Variants in INF2 observed in about 807,000 individuals in gnomAD.
INF2 encodes inverted formin-2.
INF2 carries 43 observed loss-of-function variants against 123.5 expected under a neutral mutation model. That is an observed-to-expected ratio of 0.35 (90% confidence interval 0.27 to 0.45). The LOEUF (loss-of-function observed/expected upper bound fraction) is 0.45. Among genes scored for constraint, INF2 ranks in the 20% least tolerant of loss-of-function variants. The pLI is 1.00. For missense variants in INF2, 1,453 were observed against 1,682.7 expected, an observed-to-expected ratio of 0.86 and a Z score of 2.39; for synonymous variants, 851 against 745.0, an observed-to-expected ratio of 1.14 and a Z score of -2.32.
intron 17 of INF2, 125 bp downstream of exon 17, chr14:104,712,678 A>G: frequency 6.6e-7 from 1 of 1,515,072 alleles, no homozygotes; most frequent in Non-Finnish European, 9.0e-7. Flanking sequence ...CCAGGTGTGC[A>G]TGGTCAGGGC....
chr14:104,689,597 C>T (rs1595149864), upstream of INF2: 2 of 683,336 alleles, frequency 2.9e-6, no homozygotes, highest in Non-Finnish European at 3.6e-6. Flanking sequence ...TCCTCCCGCC[C>T]GCCCCGCCCG....
chr14:104,713,893 G>A (rs550602502), intron 20 of INF2, among the ~76,000 whole-genome samples: 3 of 152,374 alleles, frequency 2.0e-5, no homozygotes, highest in East Asian at 3.9e-4. Context: ...CCCACTGACC[G>A]ATGCCCTTGG....
intron 1 of INF2, among the ~76,000 whole-genome samples, chr14:104,682,470 C>T (rs74668674): frequency 1.3e-3 from 201 of 152,222 alleles, no homozygotes; most frequent in African/African-American, 4.3e-3. Flanking sequence ...CAGTGGGGCG[C>T]GGGGCAGGGC....
chr14:104,700,278 C>A (rs945156278), intron 1 of INF2, among the ~76,000 whole-genome samples: 6 of 152,170 alleles, frequency 3.9e-5, no homozygotes, highest in Non-Finnish European at 8.8e-5. Flanking sequence ...AGGACCCAGC[C>A]GCCTCCAGTT....
intron 4 of INF2, 76 bp from the exon 5 acceptor site, chr14:104,703,840 C>T (rs1194840592): frequency 6.2e-5 from 99 of 1,606,204 alleles, no homozygotes; most frequent in Non-Finnish European, 8.4e-5. Flanking sequence ...GGGTCAGGTG[C>T]TCTGGGTGGC....
chr14:104,691,517 G>A (rs1430390911), intron 1 of INF2, among the ~76,000 whole-genome samples: 2 of 152,208 alleles, frequency 1.3e-5, no homozygotes, highest in Non-Finnish European at 2.9e-5. Flanking sequence ...GTGTCTGATA[G>A]GTGTGTGGTT....
intron 4 of INF2, 93 bp from the exon 5 acceptor site, chr14:104,703,823 C>T (rs1423704032): frequency 6.3e-7 from 1 of 1,599,450 alleles, no homozygotes; most frequent in South Asian, 1.1e-5. Flanking sequence ...ATGAGTGCAG[C>T]AGGGCAGGGT....
In INF2 at chr14:104,721,177, C is replaced by T. The variant is rs1156269860; in HGVS notation, c.*2384C>T. On this transcript the variant is annotated 3_prime_UTR_variant, in exon 23 of 23. Transcript: ENST00000392634. ...CGTCTGCGTCGTCCTCGTGTGGATG[C>T]TGCTATGGACGTCTGCGTAGTCTCG... 7.5e-6 allele frequency: 1 copy of T among 133,816 alleles called. No homozygotes were observed. Among genetic ancestry groups the T allele is most frequent in the African/African-American group, 2.9e-5 (1 of 34,192 alleles). 8.3% of individuals were successfully genotyped at this position (133,816 alleles called of 1,614,324 possible).
intron 1 of INF2, among the ~76,000 whole-genome samples, chr14:104,682,982 C>T (rs903332443): frequency 5.3e-5 from 8 of 151,842 alleles, no homozygotes; most frequent in African/African-American, 1.7e-4. Flanking sequence ...GGCTATACGG[C>T]ACTCAGGGTT....
At position 104,711,134 on chromosome 14, in the gene INF2, C is replaced by A; in HGVS notation, c.2366C>A (p.Thr789Lys). The change falls in exon 15 of 23, where the codon ACG becomes AAG. Residue 789 changes from threonine to lysine, a missense_variant. Transcript: ENST00000392634. ...GFKISTLLKLTETKSQQNRVT... is the reference protein window; with the variant it reads ...GFKISTLLKLKETKSQQNRVT... ...AAGATCAGCACATTGCTGAAGCTCA[C>A]GGAGACCAAGTCCCAGCAGAACCGC... The A allele has an allele frequency of 6.3e-7, 1 of 1,579,092 alleles. No homozygotes were observed. Among genetic ancestry groups the A allele is most frequent in the Non-Finnish European group, 8.6e-7 (1 of 1,163,832 alleles).
At chr14:104,684,638 G>T (rs905346325), upstream of INF2, 2 of 152,988 alleles carry the variant, frequency 1.3e-5, no homozygotes, top group Admixed American at 6.5e-5. The surrounding 1 kb of genome is among the most constrained non-coding windows in gnomAD (Gnocchi z 5.0). Flanking sequence ...TTTGCTATGG[G>T]TGGTGGTAGT....
At chr14:104,712,657 C>T in intron 17 of INF2, 104 bp downstream of exon 17, 1 of 1,556,036 alleles carries the variant, frequency 6.4e-7, no homozygotes, top group Non-Finnish European at 8.8e-7. Flanking sequence ...GATCCTGGGG[C>T]CCGAGTTTCC....
At chr14:104,709,834 ATTGCAGCGG>A in intron 12 of INF2, 129 bp downstream of exon 12, 1 of 832,584 alleles carries the variant, frequency 1.2e-6, no homozygotes, top group Non-Finnish European at 2.0e-6. Flanking sequence ...CAGGAGCAGC[ATTGCAGCGG>A]TTGGGCTTCT....
In INF2 at chr14:104,682,156, G is replaced by C. The variant is rs371906915; in HGVS notation, c.-104+574G>C. Among the ~76,000 whole-genome samples, 24 of 152,312 alleles carry C rather than the reference G, an allele frequency of 1.6e-4. No homozygotes were observed. In the East Asian group the frequency reaches 4.4e-3, roughly 28 times the overall value. Reference sequence around the variant, plus strand: ...TGGGGTTTGGGGTTATTTTTAACCCGTAAGTCTCCCTGCTATTCTACAGGA... The same window carrying C: ...TGGGGTTTGGGGTTATTTTTAACCCCTAAGTCTCCCTGCTATTCTACAGGA... On this transcript the variant is annotated intron_variant, in intron 1 of 2. Transcript: ENST00000674723.
rs769591308 is a variant in INF2 at position 104,714,534 on chromosome 14, C to T, written c.3372C>T (p.Ala1124=). 7.9e-5 allele frequency: 127 copies of T among 1,612,654 alleles called. No individual in the cohort carries two copies. Among genetic ancestry groups the T allele is most frequent in the Non-Finnish European group, 1.0e-4 (121 of 1,179,892 alleles). ...LKFSSNQPPA[A]GSSRQDAKDP... is the part of the protein sequence containing the mutation. ...TCTCCAGCAACCAGCCCCCTGCAGCCGGAAGTTCAAGGCAAGATGCCAAGG... is the reference window on the plus strand; with the variant it reads ...TCTCCAGCAACCAGCCCCCTGCAGCTGGAAGTTCAAGGCAAGATGCCAAGG... The change falls in exon 21 of 23, where the codon GCC becomes GCT. Residue 1124 remains alanine (A), a synonymous_variant. Transcript: ENST00000392634.
At chr14:104,704,527 T>C (rs1197298525) in intron 5 of INF2, 4 of 167,476 alleles carry the variant, frequency 2.4e-5, no homozygotes, top group South Asian at 1.6e-4. Context: ...AGATCAGCAC[T>C]GCATTAGATT....
chr14:104,708,601 G>A lies in INF2; in HGVS notation c.1887+14G>A. The stretch of plus-strand genomic sequence containing the variant: ...GAGCCCAAGGAGGTGGGGACGGGGA[G>A]GGGACTCAGACCGGGGCCGCCTGCC... On this transcript the variant is annotated intron_variant, in intron 9 of 22. Transcript: ENST00000392634. 3 of 1,612,648 alleles carry A rather than the reference G, an allele frequency of 1.9e-6. No individual in the cohort carries two copies. Among genetic ancestry groups the A allele is most frequent in the Non-Finnish European group, 2.5e-6 (3 of 1,179,860 alleles).
chr14:104,707,644 GC>G lies in INF2; in HGVS notation c.1382del (p.Pro461HisfsTer97). ...CTAAGGCCCTCCCAACAGCACCCCC[GC>G]CCCCACCCCTGCCAGGCCTGGGGGC... ...GAKALPTAPPPPPLPGLGAMA... is the reference protein window; with the variant it reads ...GAKALPTAPPXPPLPGLGAMA... On this transcript the variant is annotated frameshift_variant, in exon 8 of 23. Coordinates refer to ENST00000392634, the MANE Select transcript of INF2 (RefSeq NM_022489.4). LOFTEE classifies it high-confidence loss of function. The G allele has an allele frequency of 1.3e-5, 5 of 394,370 alleles. No individual in the cohort carries two copies. Among genetic ancestry groups the G allele is most frequent in the Non-Finnish European group, 2.1e-5 (5 of 236,510 alleles). The allele number at this position is 394,370 out of a possible 1,614,324, so 24.4% of individuals were successfully genotyped here. A position where few individuals can be genotyped will look rare whatever the true frequency, so the allele number is the denominator to read the frequency against.
chr14:104,713,744 A>G, intron 20 of INF2, 138 bp downstream of exon 20: 1 of 945,728 alleles, frequency 1.1e-6, no homozygotes, highest in Non-Finnish European at 1.6e-6. Flanking sequence ...GACTGGGGAC[A>G]GCCGAGGGGA....
Sources: gnomAD v4.1 joint callset for allele counts (sites outside exome capture counted in the v4.1 genomes callset) on GRCh38, gnomAD v4.1.1 for gene constraint, Gnocchi (gnomAD v3.1) non-coding constraint, MANE v1.5 for transcripts, NCBI Gene and HGNC (gene_info 2026-07-23, HGNC 2026-07-21) for gene names.